The following MFNG variants were observed in gnomAD, a reference collection of about 807,000 sequenced individuals.
MFNG encodes the protein beta-1,3-N-acetylglucosaminyltransferase manic fringe.
Under a neutral mutation model 34.2 loss-of-function variants are expected in MFNG, and 24 were observed. The observed-to-expected ratio is 0.70, with a 90% CI of 0.51 to 0.99. MFNG has a LOEUF of 0.99. Among genes scored for constraint, MFNG ranks in the 50% least tolerant of loss-of-function variants. The pLI, the probability that MFNG is intolerant of heterozygous loss-of-function variation, is 0.00. For synonymous variants in MFNG, 158 were observed against 179.2 expected, an observed-to-expected ratio of 0.88 and a Z score of 0.94; for missense variants, 383 against 424.0, an observed-to-expected ratio of 0.90 and a Z score of 0.85.
chr22:37,480,168 C>T (rs1252602675), intron 3 of MFNG, 29 bp downstream of exon 3: 3 of 1,571,720 alleles, frequency 1.9e-6, no homozygotes, highest in Non-Finnish European at 2.6e-6. Flanking sequence ...CCAGACCACA[C>T]TTATCCCCAG....
rs976062089 is a variant in MFNG, at chr22:37,483,068, C to T, written c.256-2299G>A. 1.3e-5 allele frequency among the ~76,000 whole-genome samples: 2 copies of T among 152,156 alleles called. No homozygotes were observed. Among genetic ancestry groups the T allele is most frequent in the African/African-American group, 4.8e-5 (2 of 41,438 alleles). On this transcript the variant is annotated intron_variant, in intron 1 of 7. Transcript: ENST00000356998. The surrounding 1 kb of genome is among the most constrained non-coding windows in gnomAD (Gnocchi z 4.5). ...ACCATGACGTCTCCTGGGGGCTTAA[C>T]ACATCAAGACTGAGCCCCCGTTCTC...
chr22:37,470,524 G>A (rs911517891), intron 7 of MFNG, among the ~76,000 whole-genome samples: 1 of 152,210 alleles, frequency 6.6e-6, no homozygotes, highest in African/African-American at 2.4e-5. Context: ...TATAGCTACG[G>A]CTTACACACT....
chr22:37,479,741 C>G (rs145785903), intron 3 of MFNG, among the ~76,000 whole-genome samples: 1 of 152,156 alleles, frequency 6.6e-6, no homozygotes, highest in Non-Finnish European at 1.5e-5. Context: ...TGGTGGCTCA[C>G]GCCTGTAAGC....
Position 37,483,247 on chromosome 22 carries a change from C to A in MFNG, c.256-2478G>T, listed in dbSNP as rs1465642515. On this transcript the variant is annotated intron_variant, in intron 1 of 7. Transcript: ENST00000356998. The surrounding 1 kb of genome is among the most constrained non-coding windows in gnomAD (Gnocchi z 4.5). ...GGACGCTGCTCTTCCCTCCGGCCCA[C>A]CCGGCCACCTAGTCCCCGCCACTGT... is the stretch of plus-strand genomic sequence containing the variant. Among the ~76,000 whole-genome samples the A allele has an allele frequency of 6.6e-6, 1 of 152,182 alleles. No individual in the cohort carries two copies. The highest frequency in any genetic ancestry group is 1.5e-5 in the Non-Finnish European group (1 of 68,044).
Position 37,482,408 on chromosome 22 carries a change from TTCTC to T in MFNG, c.256-1643_256-1640del, listed in dbSNP as rs200896675. Reference sequence around the variant, plus strand: ...ATTACTTCCTGTCCACCCCTGGGGCTTCTCTCTCTGTCTCTCTCTCTCACACACA... The same window carrying T: ...ATTACTTCCTGTCCACCCCTGGGGCTTCTCTGTCTCTCTCTCTCACACACA... On this transcript the variant is annotated intron_variant, in intron 1 of 7. Transcript: ENST00000356998. The surrounding 1 kb of genome is among the most constrained non-coding windows in gnomAD (Gnocchi z 4.1). Among the ~76,000 whole-genome samples, 2,401 of 151,864 alleles carry T rather than the reference TTCTC, an allele frequency of 0.016. 34 individuals carry two copies. Among genetic ancestry groups the T allele is most frequent in the African/African-American group, 0.036 (1,491 of 41,382 alleles).
chr22:37,470,614 A>T (rs541145019), intron 7 of MFNG, among the ~76,000 whole-genome samples: 2 of 152,352 alleles, frequency 1.3e-5, no homozygotes, highest in South Asian at 4.1e-4. Context: ...ATCGAGCCAA[A>T]TTCTATCTCC....
At chr22:37,479,650 T>A in intron 3 of MFNG, 152 bp from the exon 4 acceptor site, 1 of 995,842 alleles carries the variant, frequency 1.0e-6, no homozygotes, top group Non-Finnish European at 1.5e-6. Context: ...AGTTGCATAT[T>A]GTGTAAGCTC....
At position 37,474,503 on chromosome 22, in the gene MFNG, C is replaced by T. The variant is rs1360892410; in HGVS notation, c.813+9G>A. On this transcript the variant is annotated intron_variant, in intron 6 of 7. Coordinates refer to ENST00000356998, the MANE Select transcript of MFNG (RefSeq NM_002405.4). ...TCCCATTTGCCACCTGCCCCCAAGG[C>T]CAGCTCACCTGTTCTGGGAGCTGTG... 2 of 1,613,372 alleles carry T rather than the reference C, an allele frequency of 1.2e-6. No individual in the cohort carries two copies. Among genetic ancestry groups the T allele is most frequent in the Non-Finnish European group, 1.7e-6 (2 of 1,179,646 alleles).
rs201787881 is a variant in MFNG at position 37,474,496 on chromosome 22, C to T, written c.813+16G>A. 7 of 1,613,018 alleles carry T rather than the reference C, an allele frequency of 4.3e-6. 1 individual carries two copies. The highest frequency in any genetic ancestry group is 5.9e-6 in the Non-Finnish European group (7 of 1,179,548). ...TTCCCCTTCCCATTTGCCACCTGCCCCCAAGGCCAGCTCACCTGTTCTGGG... is the reference window on the plus strand; with the variant it reads ...TTCCCCTTCCCATTTGCCACCTGCCTCCAAGGCCAGCTCACCTGTTCTGGG... On this transcript the variant is annotated intron_variant, in intron 6 of 7. Transcript: ENST00000356998.
rs199880004 is a variant in MFNG, at chr22:37,470,037, G to A, written c.900-8C>T. On this transcript the variant is annotated splice_polypyrimidine_tract_variant and splice_region_variant and intron_variant, in intron 7 of 7. Coordinates refer to ENST00000356998, the MANE Select transcript of MFNG (RefSeq NM_002405.4). ...CAATGGAGGGAGCGAAATCTGCAGA[G>A]AGACCAGAAAAGGACAGGATGGTCA... 266 of 1,597,632 alleles carry A rather than the reference G, an allele frequency of 1.7e-4. No individual in the cohort carries two copies. Among genetic ancestry groups the A allele is most frequent in the Non-Finnish European group, 2.1e-4 (246 of 1,170,726 alleles).
At chr22:37,474,745 A>G in intron 5 of MFNG, 68 bp from the exon 6 acceptor site, 1 of 1,496,958 alleles carries the variant, frequency 6.7e-7, no homozygotes, top group Non-Finnish European at 9.0e-7. Context: ...GGGCCACCCC[A>G]TGAAGGCCCT....
Position 37,482,215 on chromosome 22 carries a change from C to T in MFNG, c.256-1446G>A, listed in dbSNP as rs953507839. Among the ~76,000 whole-genome samples the T allele has an allele frequency of 8.5e-5, 13 of 152,156 alleles. No individual in the cohort carries two copies. Among genetic ancestry groups the T allele is most frequent in the African/African-American group, 3.1e-4 (13 of 41,422 alleles). On this transcript the variant is annotated intron_variant, in intron 1 of 7. Transcript: ENST00000356998. The surrounding 1 kb of genome is among the most constrained non-coding windows in gnomAD (Gnocchi z 4.1). ...ACTACTGCAAGACTCTGCCTCATTC[C>T]CTCAGATATGTTTCCCTGCCAGGAC...
chr22:37,471,161 G>A (rs907540666), intron 7 of MFNG, among the ~76,000 whole-genome samples: 12 of 152,154 alleles, frequency 7.9e-5, no homozygotes, highest in Non-Finnish European at 1.5e-4. Context: ...ACAAGTCTCT[G>A]TCACTCAAGT....
Position 37,472,993 on chromosome 22 carries a change from G to C in MFNG, c.814-465C>G, listed in dbSNP as rs149726658. Among the ~76,000 whole-genome samples, 82 of 152,280 alleles carry C rather than the reference G, an allele frequency of 5.4e-4. 1 individual carries two copies. The East Asian group carries it at 0.015, about 28-fold the overall frequency. On this transcript the variant is annotated intron_variant, in intron 6 of 7. Coordinates refer to ENST00000356998, the MANE Select transcript of MFNG (RefSeq NM_002405.4). ...ACAGTGGTTAAAGACTGTGGGCATA[G>C]GGACCACCCAGCTAGGGTTCCAGTG...
rs775619432 is a variant in MFNG at position 37,486,217 on chromosome 22, C to G, written c.-40G>C. Reference sequence around the variant, plus strand: ...ACCCCAGACAGCTCAGCCCCCAAATCCCAACCAGACAGGGAGGGGAAGCTG... The same window carrying G: ...ACCCCAGACAGCTCAGCCCCCAAATGCCAACCAGACAGGGAGGGGAAGCTG... On this transcript the variant is annotated 5_prime_UTR_variant, in exon 1 of 8. Coordinates refer to ENST00000356998, the MANE Select transcript of MFNG (RefSeq NM_002405.4). 6.7e-7 allele frequency: 1 copy of G among 1,481,486 alleles called. No individual in the cohort carries two copies. Among genetic ancestry groups the G allele is most frequent in the Non-Finnish European group, 9.0e-7 (1 of 1,117,256 alleles). 91.8% of individuals were successfully genotyped at this position (1,481,486 alleles called of 1,614,324 possible).
At chr22:37,480,356 G>T in intron 2 of MFNG, 57 bp from the exon 3 acceptor site, 2 of 1,367,654 alleles carry the variant, frequency 1.5e-6, no homozygotes, top group South Asian at 1.2e-5. Context: ...TCAGAGCCCT[G>T]AACACAGAAT....
intron 7 of MFNG, among the ~76,000 whole-genome samples, chr22:37,470,581 G>A (rs555348061): frequency 1.3e-5 from 2 of 152,358 alleles, no homozygotes; most frequent in Non-Finnish European, 2.9e-5. Flanking sequence ...GTTCGTCTTG[G>A]AATTTTGAAT....
intron 7 of MFNG, among the ~76,000 whole-genome samples, chr22:37,471,562 G>A (rs1260853443): frequency 1.3e-5 from 2 of 152,086 alleles, no homozygotes; most frequent in Admixed American, 6.5e-5. Context: ...CGGGGGCAGC[G>A]GCTCATGCCT....
intron 1 of MFNG, 134 bp from the exon 2 acceptor site, chr22:37,480,903 C>T: frequency 1.3e-6 from 1 of 746,972 alleles, no homozygotes; most frequent in South Asian, 1.7e-5. Flanking sequence ...CTCATGGTCA[C>T]ACGCTCCTTT....
Sources: gnomAD v4.1 joint callset for allele counts (sites outside exome capture counted in the v4.1 genomes callset) on GRCh38, gnomAD v4.1.1 for gene constraint, Gnocchi (gnomAD v3.1) non-coding constraint, MANE v1.5 for transcripts, NCBI Gene and HGNC (gene_info 2026-07-23, HGNC 2026-07-21) for gene names.